NXN: variants seen among roughly 807,000 people sequenced by gnomAD.
NXN encodes nucleoredoxin.
Under a neutral mutation model 48.6 loss-of-function variants are expected in NXN, and 16 were observed. The observed-to-expected ratio is 0.33, with a 90% CI of 0.22 to 0.50. The LOEUF (loss-of-function observed/expected upper bound fraction) is 0.50, where lower values mean the gene tolerates loss of function less well. Ranked by LOEUF, NXN falls within the 20% of genes least tolerant of loss-of-function variation. The pLI is 0.98. For synonymous variants in NXN, 281 were observed against 269.6 expected, an observed-to-expected ratio of 1.04 and a Z score of -0.41; for missense variants, 492 against 605.5, an observed-to-expected ratio of 0.81 and a Z score of 1.97.
At chr17:884,931 A>C (rs568187274) in intron 1 of NXN, among the ~76,000 whole-genome samples, 2 of 152,302 alleles carry the variant, frequency 1.3e-5, no homozygotes, top group African/African-American at 4.8e-5. Flanking sequence ...CAAAACAAAC[A>C]CTCAGCGGAG....
At chr17:944,437 C>T (rs1166250282) in intron 1 of NXN, among the ~76,000 whole-genome samples, 1 of 152,198 alleles carries the variant, frequency 6.6e-6, no homozygotes, top group Non-Finnish European at 1.5e-5. Context: ...CTGCCTCCAA[C>T]TGGAGCTGTT....
intron 1 of NXN, among the ~76,000 whole-genome samples, chr17:918,065 G>A (rs2068706256): frequency 6.6e-6 from 1 of 152,156 alleles, no homozygotes; most frequent in South Asian, 2.1e-4. Flanking sequence ...TAAAAGTTGT[G>A]TGTCTAAACC....
chr17:953,612 C>T (rs1313857451), intron 1 of NXN, among the ~76,000 whole-genome samples: 2 of 152,176 alleles, frequency 1.3e-5, no homozygotes. Context: ...TCAAACTATA[C>T]TCTCAACAGT....
chr17:805,552 C>T (rs1166096885), intron 5 of NXN, among the ~76,000 whole-genome samples: 4 of 152,150 alleles, frequency 2.6e-5, no homozygotes, highest in African/African-American at 4.8e-5. Flanking sequence ...TATTCCGCTA[C>T]AGAAAGATCA....
intron 1 of NXN, among the ~76,000 whole-genome samples, chr17:937,418 C>G (rs1277295399): frequency 6.6e-6 from 1 of 152,076 alleles, no homozygotes; most frequent in Non-Finnish European, 1.5e-5. Flanking sequence ...AAGGAACACA[C>G]CTGGAGAAGG....
intron 1 of NXN, 73 bp downstream of exon 1, chr17:979,246 A>ACGGGCGTGGGGGGCGGGCAGGGGTAG (rs2069504732): frequency 5.8e-6 from 5 of 856,740 alleles, no homozygotes; most frequent in East Asian, 1.2e-4. Flanking sequence ...GGCAGGGGTA[A>ACGGGCGTGGGGGGCGGGCAGGGGTAG]CGGGCGTGGG....
intron 1 of NXN, among the ~76,000 whole-genome samples, chr17:931,622 G>A (rs141480599): frequency 0.021 from 2,939 of 140,178 alleles, 92 homozygotes; most frequent in African/African-American, 0.072. Context: ...GGATCGTGAG[G>A]TCAGGAGATC....
At chr17:895,804 G>GACAGAGCAAAACTCCA (rs1340225558) in intron 1 of NXN, among the ~76,000 whole-genome samples, 363 of 1,810 alleles carry the variant, frequency 0.2, 4 homozygotes, top group African/African-American at 0.5. Context: ...GGTTTTGTTT[G>GACAGAGCAAAACTCCA]TCTCAAAAAC....
At chr17:914,998 G>A (rs1225722743) in intron 1 of NXN, among the ~76,000 whole-genome samples, 1 of 151,576 alleles carries the variant, frequency 6.6e-6, no homozygotes, top group Non-Finnish European at 1.5e-5. Flanking sequence ...GCAGTGGTGC[G>A]ATCTCGGCTC....
At position 956,705 on chromosome 17, in the gene NXN, G is replaced by C. The variant is rs983462952; in HGVS notation, c.360+22614C>G. ...GCTGGGATTACAGGCGTGAGCCACC[G>C]CGCCTGGCCAAGAGCTTTTTATATC... On this transcript the variant is annotated intron_variant, in intron 1 of 7. Coordinates refer to ENST00000336868, the MANE Select transcript of NXN (RefSeq NM_022463.5). This position sits in a 1 kb window ranked among gnomAD's most constrained non-coding sequence, Gnocchi z 4.1. Among the ~76,000 whole-genome samples, 2 of 152,190 alleles carry C rather than the reference G, an allele frequency of 1.3e-5. No individual in the cohort carries two copies. Among genetic ancestry groups the C allele is most frequent in the Non-Finnish European group, 2.9e-5 (2 of 68,034 alleles).
chr17:967,529 G>A (rs1175192793), intron 1 of NXN, among the ~76,000 whole-genome samples: 1 of 152,186 alleles, frequency 6.6e-6, no homozygotes. Context: ...AGAAAACAGG[G>A]CTCAGAAAAG....
intron 1 of NXN, among the ~76,000 whole-genome samples, chr17:895,637 C>G (rs867729921): frequency 8.7e-6 from 1 of 114,876 alleles, no homozygotes; most frequent in South Asian, 3.6e-4. Flanking sequence ...ACGGTGAAAC[C>G]CCGTCTCTAC....
At chr17:865,944 T>C (rs1018409101) in intron 1 of NXN, among the ~76,000 whole-genome samples, 17 of 151,892 alleles carry the variant, frequency 1.1e-4, no homozygotes, top group Admixed American at 7.9e-4. Context: ...GATCGCGGCA[T>C]TGCACTCCAG....
chr17:948,465 TGAGGG>T (rs1567514920), intron 1 of NXN, among the ~76,000 whole-genome samples: 4 of 152,094 alleles, frequency 2.6e-5, no homozygotes, highest in Non-Finnish European at 5.9e-5. Context: ...ATCTGGGTAC[TGAGGG>T]GTAGGAGCGG....
chr17:965,097 G>A (rs1403865556), intron 1 of NXN, among the ~76,000 whole-genome samples: 2 of 152,170 alleles, frequency 1.3e-5, no homozygotes, highest in Non-Finnish European at 2.9e-5. Flanking sequence ...GGCGTATCTA[G>A]CCAGCTATTT....
Position 917,841 on chromosome 17 carries a change from A to G in NXN, c.360+61478T>C, listed in dbSNP as rs1555622176. Among the ~76,000 whole-genome samples the G allele has an allele frequency of 6.6e-6, 1 of 152,142 alleles. No homozygotes were observed. The highest frequency in any genetic ancestry group is 1.5e-5 in the Non-Finnish European group (1 of 68,014). On this transcript the variant is annotated intron_variant, in intron 1 of 7. Transcript: ENST00000336868. This position sits in a 1 kb window ranked among gnomAD's most constrained non-coding sequence, Gnocchi z 4.5. The stretch of plus-strand genomic sequence containing the variant: ...TGGGAAAGGGGATAAGCGACAGGAG[A>G]GGGGGGACTCCCGTTCCAAACAAAG...
intron 1 of NXN, among the ~76,000 whole-genome samples, chr17:928,692 CG>C (rs1567505243): frequency 1.3e-5 from 2 of 151,996 alleles, no homozygotes; most frequent in Non-Finnish European, 2.9e-5. Flanking sequence ...AAAAATTAGC[CG>C]GGCGTGGTGG....
In NXN at chr17:956,243, G is replaced by T. The variant is rs1180166373; in HGVS notation, c.360+23076C>A. Among the ~76,000 whole-genome samples the T allele has an allele frequency of 1.3e-5, 2 of 151,936 alleles. No homozygotes were observed. The highest frequency in any genetic ancestry group is 2.4e-5 in the African/African-American group (1 of 41,344). On this transcript the variant is annotated intron_variant, in intron 1 of 7. Transcript: ENST00000336868. The surrounding 1 kb of genome is among the most constrained non-coding windows in gnomAD (Gnocchi z 4.1). ...TTCATTCTTTCTTTCAATAAACACGGTGCCAAGTATTTACTAATAAGAGGT... is the reference window on the plus strand; with the variant it reads ...TTCATTCTTTCTTTCAATAAACACGTTGCCAAGTATTTACTAATAAGAGGT...
chr17:963,658 C>CA (rs1262374818), intron 1 of NXN, among the ~76,000 whole-genome samples: 1 of 151,772 alleles, frequency 6.6e-6, no homozygotes, highest in Non-Finnish European at 1.5e-5. Flanking sequence ...TTGATTTGCG[C>CA]AAAAAACCAT....
Sources: gnomAD v4.1 joint callset for allele counts (sites outside exome capture counted in the v4.1 genomes callset) on GRCh38, gnomAD v4.1.1 for gene constraint, Gnocchi (gnomAD v3.1) non-coding constraint, MANE v1.5 for transcripts, NCBI Gene and HGNC (gene_info 2026-07-23, HGNC 2026-07-21) for gene names.